The following RTEL1 variants were observed in gnomAD, a reference collection of about 807,000 sequenced individuals.
RTEL1 encodes regulator of telomere elongation helicase 1.
Under a neutral mutation model 162.2 loss-of-function variants are expected in RTEL1, and 86 were observed. That is an observed-to-expected ratio of 0.53 (90% CI 0.45 to 0.63). The LOEUF is 0.63. Ranked by LOEUF, RTEL1 falls within the 30% of genes least tolerant of loss-of-function variation. The probability of loss-of-function intolerance (pLI) is 0.00; values close to 1 mark genes in which losing one functional copy is unlikely to be tolerated. For missense variants in RTEL1, 1,941 were observed against 1,750.2 expected, an observed-to-expected ratio of 1.11 and a Z score of -1.95; for synonymous variants, 958 against 717.9, an observed-to-expected ratio of 1.33 and a Z score of -5.35.
intron 10 of RTEL1, among the ~76,000 whole-genome samples, chr20:63,676,408 CG>C (rs1189317949): frequency 6.6e-6 from 1 of 152,028 alleles, no homozygotes; most frequent in Non-Finnish European, 1.5e-5. Context: ...CACCGTTTGC[CG>C]GGCTCCAGAT....
rs934629385 is a variant in RTEL1 at position 63,658,471 on chromosome 20, G to A, written c.-171+5G>A. 2 of 152,444 alleles carry A rather than the reference G, an allele frequency of 1.3e-5. No homozygotes were observed. The highest frequency in any genetic ancestry group is 1.3e-4 in the Admixed American group (2 of 15,294). The allele number at this position is 152,444 out of a possible 1,614,324, so 9.4% of individuals were successfully genotyped here. The stretch of plus-strand genomic sequence containing the variant: ...CGCCGCGGAGACAAGTGAGCAGTGA[G>A]TCGCAGTGACCCTACAAGTGGTTCT... On this transcript the variant is annotated splice_donor_5th_base_variant and intron_variant, in intron 1 of 34. Transcript: ENST00000360203.
At chr20:63,682,191 A>G in intron 14 of RTEL1, 1 of 985,336 alleles carries the variant, frequency 1.0e-6, no homozygotes, top group Non-Finnish European at 1.2e-6. Flanking sequence ...TGAGGTTCCT[A>G]CACTCGAACT....
intron 31 of RTEL1, 66 bp from the exon 32 acceptor site, chr20:63,694,675 G>A: frequency 1.4e-6 from 2 of 1,397,248 alleles, no homozygotes; most frequent in Non-Finnish European, 1.9e-6. Flanking sequence ...GGAAGGGCGG[G>A]CAGGGCGGTG....
chr20:63,685,851 A>C lies in RTEL1; in HGVS notation c.1327A>C (p.Thr443Pro). The C allele has an allele frequency of 1.2e-6, 2 of 1,612,602 alleles. No individual in the cohort carries two copies. The highest frequency in any genetic ancestry group is 1.7e-6 in the Non-Finnish European group (2 of 1,179,882). The change falls in exon 16 of 35, where the codon ACC (threonine) becomes CCC (proline). Residue 443 changes from threonine (T) to proline (P), a missense_variant. Physicochemically the swap from Thr to Pro is conservative, Grantham distance 38. Coordinates refer to ENST00000360203, the MANE Select transcript of RTEL1 (RefSeq NM_001283009.2). Reference sequence around the variant, plus strand: ...GGCTCAGCGGTCTGATGCCTGGAGCACCACTGCAGCCAGAAAGCGAGGTAC... The same window carrying C: ...GGCTCAGCGGTCTGATGCCTGGAGCCCCACTGCAGCCAGAAAGCGAGGTAC... ...RTAQRSDAWS[T>P]TAARKRGKVL...
At chr20:63,687,374 C>A in intron 16 of RTEL1, 2 of 454,880 alleles carry the variant, frequency 4.4e-6, no homozygotes, top group Admixed American at 3.9e-5. Context: ...GTGGGCTGAC[C>A]TCTCTGCAGG....
At chr20:63,679,744 A>T in intron 12 of RTEL1, 105 bp from the exon 13 acceptor site, 1 of 832,054 alleles carries the variant, frequency 1.2e-6, no homozygotes, top group Non-Finnish European at 2.0e-6. Flanking sequence ...ATCTTTGACC[A>T]GTGTCGTCCC....
chr20:63,675,783 G>A (rs542491538), intron 10 of RTEL1, among the ~76,000 whole-genome samples: 5 of 152,288 alleles, frequency 3.3e-5, no homozygotes, highest in East Asian at 1.9e-4. Flanking sequence ...CCTCTCTAAC[G>A]GGGTGGACGG....
chr20:63,663,388 G>T (rs1022874267), intron 6 of RTEL1, among the ~76,000 whole-genome samples: 6 of 152,162 alleles, frequency 3.9e-5, no homozygotes, highest in African/African-American at 1.4e-4. Context: ...GGCCCTGAGT[G>T]TGACTCCAGG....
intron 8 of RTEL1, 121 bp downstream of exon 8, chr20:63,667,674 C>G (rs972521791): frequency 1.3e-6 from 1 of 797,210 alleles, no homozygotes; most frequent in Admixed American, 1.8e-5. Flanking sequence ...GGTGGGAGGA[C>G]TCACCTCTGT....
intron 8 of RTEL1, among the ~76,000 whole-genome samples, chr20:63,670,904 C>T (rs997204733): frequency 1.1e-4 from 16 of 152,076 alleles, no homozygotes; most frequent in African/African-American, 3.4e-4. Flanking sequence ...GGAAGCAGCC[C>T]GCGTGAGCCC....
intron 14 of RTEL1, chr20:63,681,444 C>G (rs556168938): frequency 2.0e-6 from 2 of 985,368 alleles, no homozygotes; most frequent in African/African-American, 3.5e-5. Flanking sequence ...GAGGCCTCCT[C>G]TGTGCTGCCC....
intron 24 of RTEL1, 99 bp from the exon 25 acceptor site, chr20:63,689,988 C>T: frequency 6.4e-7 from 1 of 1,560,444 alleles, no homozygotes; most frequent in South Asian, 1.1e-5. Context: ...TACTCGGGGT[C>T]AGCGTGGGGC....
At chr20:63,687,561 A>G (rs932488734) in intron 16 of RTEL1, 77 bp from the exon 17 acceptor site, 24 of 1,450,724 alleles carry the variant, frequency 1.7e-5, no homozygotes, top group Non-Finnish European at 2.2e-5. Context: ...GGAGAGGGTG[A>G]TGGGCAGAGA....
At chr20:63,673,901 G>A (rs756482931) in intron 9 of RTEL1, 39 bp from the exon 10 acceptor site, 1 of 1,581,458 alleles carries the variant, frequency 6.3e-7, no homozygotes, top group South Asian at 1.2e-5. Flanking sequence ...CCCCGATCCT[G>A]TCCTGTTCTG....
Position 63,661,169 on chromosome 20 carries a change from C to T in RTEL1, c.103-129C>T, listed in dbSNP as rs532405051. On this transcript the variant is annotated intron_variant, in intron 2 of 34. Coordinates refer to ENST00000360203, the MANE Select transcript of RTEL1 (RefSeq NM_001283009.2). This position sits in a 1 kb window ranked among gnomAD's most constrained non-coding sequence, Gnocchi z 5.1. ...CTTCTCCGCGGTCCCACAGGGCTCT[C>T]GCCACCTGGCAGTGGCCTCTGCATC... The T allele has an allele frequency of 1.8e-5, 15 of 812,600 alleles. No individual in the cohort carries two copies. Among genetic ancestry groups the T allele is most frequent in the East Asian group, 1.6e-4 (6 of 37,324 alleles). 50.3% of individuals were successfully genotyped at this position (812,600 alleles called of 1,614,324 possible). A position where few individuals can be genotyped will look rare whatever the true frequency, so the allele number is the denominator to read the frequency against.
Position 63,691,797 on chromosome 20 carries a change from C to G in RTEL1, c.2612C>G (p.Pro871Arg). ...LLSEKRPAEE[P>R]RGGRKKIRLV... ...TCTGAGAAGAGGCCGGCAGAAGAAC[C>G]GCGAGGAGGGAGGAAGAAGATCCGG... is the stretch of plus-strand genomic sequence containing the variant. The change falls in exon 28 of 35, where the codon CCG (proline) becomes CGG (arginine). Residue 871 changes from proline (P) to arginine (R), a missense_variant. By Grantham distance (103) the Pro-to-Arg change is moderately radical. Transcript: ENST00000360203. The G allele has an allele frequency of 6.2e-7, 1 of 1,612,356 alleles. No homozygotes were observed.
chr20:63,693,403 CT>C, intron 30 of RTEL1, 120 bp downstream of exon 30: 1 of 1,260,444 alleles, frequency 7.9e-7, no homozygotes, highest in Non-Finnish European at 1.1e-6. Flanking sequence ...CTCTGTTCCC[CT>C]ATGGGAGTGA....
At position 63,694,261 on chromosome 20, in the gene RTEL1, C is replaced by T. The variant is rs2090906887; in HGVS notation, c.2993-111C>T. 37 of 932,854 alleles carry T rather than the reference C, an allele frequency of 4.0e-5. No homozygotes were observed. The South Asian group carries it at 5.1e-4, about 13-fold the overall frequency. 57.8% of individuals were successfully genotyped at this position (932,854 alleles called of 1,614,324 possible). On this transcript the variant is annotated intron_variant, in intron 30 of 34. Transcript: ENST00000360203. ...CGTGTACCTGCCTGGGTTTTCCCGC[C>T]CTGGTCTGAGGTGGGTGAGGCCTGG...
Position 63,692,969 on chromosome 20 carries a change from T to C in RTEL1, c.2817T>C (p.Phe939=), listed in dbSNP as rs765185673. ...AALAACLGPL[F]AEDPKKHNLL... ...TGGCCGCCTGTCTCGGCCCCCTCTT[T>C]GCTGAGGACCCCAAGAAGCACAACC... The change falls in exon 29 of 35, where the codon TTT becomes TTC. Residue 939 remains phenylalanine (F), a synonymous_variant. Coordinates refer to ENST00000360203, the MANE Select transcript of RTEL1 (RefSeq NM_001283009.2). 3 of 1,612,488 alleles carry C rather than the reference T, an allele frequency of 1.9e-6. No individual in the cohort carries two copies. Among genetic ancestry groups the C allele is most frequent in the Admixed American group, 1.7e-5 (1 of 59,996 alleles).
Sources: gnomAD v4.1 joint callset for allele counts (sites outside exome capture counted in the v4.1 genomes callset) on GRCh38, gnomAD v4.1.1 for gene constraint, Gnocchi (gnomAD v3.1) non-coding constraint, MANE v1.5 for transcripts, NCBI Gene and HGNC (gene_info 2026-07-23, HGNC 2026-07-21) for gene names.